The following SLC2A13 variants were observed in gnomAD, a reference collection of about 807,000 sequenced individuals.
SLC2A13 encodes the protein proton myo-inositol cotransporter.
SLC2A13 carries 32 observed loss-of-function variants against 64.4 expected under a neutral mutation model. The observed-to-expected ratio is 0.50, with a 90% CI of 0.37 to 0.67. The LOEUF is 0.67. Among genes scored for constraint, SLC2A13 ranks in the 30% least tolerant of loss-of-function variants. SLC2A13 has a pLI of 0.00. For synonymous variants in SLC2A13, 338 were observed against 327.1 expected, an observed-to-expected ratio of 1.03 and a Z score of -0.36; for missense variants, 743 against 829.2, an observed-to-expected ratio of 0.90 and a Z score of 1.28.
intron 3 of SLC2A13, among the ~76,000 whole-genome samples, chr12:39,991,601 T>A (rs1947139574): frequency 1.3e-5 from 2 of 152,184 alleles, no homozygotes; most frequent in South Asian, 4.1e-4. Context: ...ACATGGGTGC[T>A]CTCTTTAGAA....
intron 7 of SLC2A13, among the ~76,000 whole-genome samples, chr12:39,810,037 G>A (rs1471040312): frequency 2.0e-5 from 3 of 152,146 alleles, no homozygotes; most frequent in Non-Finnish European, 4.4e-5. Flanking sequence ...TGGGATGGCT[G>A]GGGCAAATGG....
Position 39,812,799 on chromosome 12 carries a change from G to T in SLC2A13, c.1445+17304C>A, listed in dbSNP as rs1308738323. 2.0e-5 allele frequency among the ~76,000 whole-genome samples: 3 copies of T among 149,680 alleles called. No individual in the cohort carries two copies. In the South Asian group the frequency reaches 6.4e-4, roughly 32 times the overall value. On this transcript the variant is annotated intron_variant, in intron 7 of 9. Transcript: ENST00000280871. ...TTCTAATTTCAACATATGACTTTAG[G>T]GGGTGGGGGGACAAACATTTAGTTT... is the stretch of plus-strand genomic sequence containing the variant.
At chr12:40,095,671 A>G (rs1938914405) in intron 1 of SLC2A13, among the ~76,000 whole-genome samples, 1 of 152,190 alleles carries the variant, frequency 6.6e-6, no homozygotes, top group Non-Finnish European at 1.5e-5. Flanking sequence ...CTTATATTAC[A>G]ATCCCTCAAG....
At chr12:39,940,809 A>G (rs1386689186) in intron 4 of SLC2A13, among the ~76,000 whole-genome samples, 1 of 152,082 alleles carries the variant, frequency 6.6e-6, no homozygotes, top group Non-Finnish European at 1.5e-5. Flanking sequence ...TGGTGCACCC[A>G]TCACCCAAGC....
intron 7 of SLC2A13, 137 bp from the exon 8 acceptor site, chr12:39,764,995 C>A: frequency 1.0e-6 from 1 of 994,424 alleles, no homozygotes; most frequent in Non-Finnish European, 1.4e-6. Flanking sequence ...AAAATAAGAA[C>A]TAAATATACA....
intron 4 of SLC2A13, among the ~76,000 whole-genome samples, chr12:39,903,766 T>C (rs1945198354): frequency 6.6e-6 from 1 of 152,088 alleles, no homozygotes; most frequent in African/African-American, 2.4e-5. Flanking sequence ...TATTCCTAGA[T>C]TGTTCAGTTA....
intron 6 of SLC2A13, among the ~76,000 whole-genome samples, chr12:39,851,406 T>C (rs1398881602): frequency 6.6e-6 from 1 of 152,224 alleles, no homozygotes; most frequent in African/African-American, 2.4e-5. Flanking sequence ...AAATGCATTC[T>C]GACTCTTAAC....
chr12:39,979,165 CCATCTGTA>C (rs1327989202), intron 3 of SLC2A13, among the ~76,000 whole-genome samples: 2 of 146,482 alleles, frequency 1.4e-5, no homozygotes, highest in African/African-American at 5.0e-5. Flanking sequence ...CACCAAAAAC[CCATCTGTA>C]CATCACCATC....
chr12:40,011,828 G>T (rs1472344604), intron 3 of SLC2A13, among the ~76,000 whole-genome samples: 1 of 152,154 alleles, frequency 6.6e-6, no homozygotes, highest in African/African-American at 2.4e-5. Context: ...ATGAAAATGT[G>T]AGTCCCGTGC....
intron 1 of SLC2A13, among the ~76,000 whole-genome samples, chr12:40,079,193 A>C (rs17489501): frequency 6.6e-6 from 1 of 152,192 alleles, no homozygotes; most frequent in African/African-American, 2.4e-5. Context: ...TTGTATTTCT[A>C]GTTCCTCTAG....
intron 4 of SLC2A13, among the ~76,000 whole-genome samples, chr12:39,919,262 C>T (rs553061863): frequency 2.0e-5 from 3 of 152,200 alleles, no homozygotes; most frequent in Non-Finnish European, 2.9e-5. Context: ...AGAATATAAA[C>T]TGTATATGTG....
intron 4 of SLC2A13, 86 bp downstream of exon 4, chr12:39,951,171 G>T: frequency 8.6e-7 from 1 of 1,161,664 alleles, no homozygotes; most frequent in Non-Finnish European, 1.3e-6. Flanking sequence ...ACTGAGTCTA[G>T]TATTTACATG....
At chr12:39,926,550 GTCA>G (rs1352894952) in intron 4 of SLC2A13, among the ~76,000 whole-genome samples, 1 of 152,106 alleles carries the variant, frequency 6.6e-6, no homozygotes, top group African/African-American at 2.4e-5. Flanking sequence ...CAACTTCCAG[GTCA>G]TCATCTCAAT....
At chr12:40,029,456 A>G (rs1051230458) in intron 2 of SLC2A13, among the ~76,000 whole-genome samples, 17 of 152,224 alleles carry the variant, frequency 1.1e-4, no homozygotes, top group Non-Finnish European at 1.6e-4. Context: ...AATAGAGCTC[A>G]GGAGGCCAAT....
intron 3 of SLC2A13, among the ~76,000 whole-genome samples, chr12:39,986,182 G>C (rs531612245): frequency 6.6e-6 from 1 of 152,070 alleles, no homozygotes; most frequent in Non-Finnish European, 1.5e-5. Flanking sequence ...ACCTCCAGGT[G>C]AGGATTTATA....
intron 7 of SLC2A13, among the ~76,000 whole-genome samples, chr12:39,771,235 G>C (rs1431812304): frequency 6.6e-6 from 1 of 152,094 alleles, no homozygotes; most frequent in East Asian, 1.9e-4. Flanking sequence ...GCCTTGTGTA[G>C]TTCCTTTTTC....
chr12:40,059,935 G>A (rs918044871), intron 1 of SLC2A13, among the ~76,000 whole-genome samples: 1 of 152,126 alleles, frequency 6.6e-6, no homozygotes, highest in Non-Finnish European at 1.5e-5. Context: ...AGGAGATCAA[G>A]AGAAGGCCAG....
At chr12:39,974,142 C>CTTCG (rs76854664) in intron 3 of SLC2A13, among the ~76,000 whole-genome samples, 27 of 152,118 alleles carry the variant, frequency 1.8e-4, no homozygotes, top group Admixed American at 6.5e-5. Context: ...TCTTTATATA[C>CTTCG]TTTAATTCTC....
intron 4 of SLC2A13, among the ~76,000 whole-genome samples, chr12:39,905,497 G>A (rs1034174782): frequency 1.3e-5 from 2 of 152,006 alleles, no homozygotes; most frequent in African/African-American, 4.8e-5. Flanking sequence ...TCATTTTGTG[G>A]CATTTTTCTC....
Sources: allele counts gnomAD v4.1 joint callset (sites outside exome capture counted in the v4.1 genomes callset), GRCh38; gene constraint gnomAD v4.1.1; transcripts MANE v1.5; gene names NCBI Gene and HGNC (gene_info 2026-07-23, HGNC 2026-07-21).